Variants in CEP20 observed in about 807,000 individuals in gnomAD.
The protein encoded by CEP20 is FGFR1OP N-terminal like.
Under a neutral mutation model 20.0 loss-of-function variants are expected in CEP20, and 18 were observed. The observed-to-expected ratio is 0.90, with a 90% CI of 0.62 to 1.34. CEP20 has a LOEUF of 1.34. CEP20 is among the 40% of genes most tolerant of loss of function. The pLI, the probability that CEP20 is intolerant of heterozygous loss-of-function variation, is 0.00. For missense variants in CEP20, 215 were observed against 201.6 expected, an observed-to-expected ratio of 1.07 and a Z score of -0.40; for synonymous variants, 77 against 73.7, an observed-to-expected ratio of 1.04 and a Z score of -0.23.
chr16:15,871,936 C>T (rs2044828942), intron 4 of CEP20, among the ~76,000 whole-genome samples: 1 of 148,092 alleles, frequency 6.8e-6, no homozygotes, highest in African/African-American at 2.5e-5. Flanking sequence ...CTAAAAGTTT[C>T]CTAAAAGTTC....
chr16:15,873,666 T>C, intron 3 of CEP20, 39 bp from the exon 4 acceptor site: 4 of 1,577,154 alleles, frequency 2.5e-6, no homozygotes, highest in Non-Finnish European at 3.4e-6. Flanking sequence ...CAAAAGCTAA[T>C]AAATCTGCAT....
At chr16:15,871,320 G>C (rs1283585885) in intron 4 of CEP20, among the ~76,000 whole-genome samples, 1 of 151,344 alleles carries the variant, frequency 6.6e-6, no homozygotes, top group Non-Finnish European at 1.5e-5. Context: ...GAGTCCCAAA[G>C]AATACCCTGC....
intron 2 of CEP20, among the ~76,000 whole-genome samples, chr16:15,882,372 T>C (rs2045120163): frequency 6.6e-6 from 1 of 151,168 alleles, no homozygotes; most frequent in South Asian, 2.1e-4. Flanking sequence ...ACCCTGTCTC[T>C]ACTAAAAATA....
At chr16:15,868,954 G>T (rs1368682396) in intron 4 of CEP20, among the ~76,000 whole-genome samples, 4 of 151,974 alleles carry the variant, frequency 2.6e-5, no homozygotes, top group Non-Finnish European at 4.4e-5. Context: ...TGTAGTCCCA[G>T]CTACTTGGGA....
At chr16:15,878,841 C>A (rs1039162503) in intron 3 of CEP20, among the ~76,000 whole-genome samples, 1 of 152,110 alleles carries the variant, frequency 6.6e-6, no homozygotes, top group African/African-American at 2.4e-5. Context: ...GTCTTGAACT[C>A]CTGAGCTCAA....
At chr16:15,885,124 T>C (rs1405634717) in intron 1 of CEP20, 1 of 150,912 alleles carries the variant, frequency 6.6e-6, no homozygotes, top group Non-Finnish European at 1.5e-5. Flanking sequence ...GCTAACAAGG[T>C]GAAATCCCCC....
rs2045043339 is a variant in CEP20, at chr16:15,879,302, C to A, written c.311+502G>T. On this transcript the variant is annotated intron_variant, in intron 3 of 4. Transcript: ENST00000255759. Reference sequence around the variant, plus strand: ...AGGAGAGGAGAGATCTGAGTACATTCCTAAGTTGGAGTGAAGGAAGAGTTA... The same window carrying A: ...AGGAGAGGAGAGATCTGAGTACATTACTAAGTTGGAGTGAAGGAAGAGTTA... Among the ~76,000 whole-genome samples, 3 of 151,634 alleles carry A rather than the reference C, an allele frequency of 2.0e-5. No individual in the cohort carries two copies. The South Asian group carries it at 6.3e-4, about 32-fold the overall frequency.
intron 2 of CEP20, among the ~76,000 whole-genome samples, chr16:15,883,377 A>G (rs2045157999): frequency 6.6e-6 from 1 of 152,012 alleles, no homozygotes; most frequent in Non-Finnish European, 1.5e-5. Flanking sequence ...AAAAGAAAAA[A>G]GAGACAGGGT....
Position 15,888,555 on chromosome 16 carries a change from C to T in CEP20, c.28+3G>A, listed in dbSNP as rs2045302757. ...ATGTGGAGGCCTCCCTGCTCGCACT[C>T]ACCAGCCTTCAACTCTGCCACAGTC... On this transcript the variant is annotated splice_donor_region_variant and intron_variant, in intron 1 of 4. Transcript: ENST00000255759. The T allele has an allele frequency of 1.2e-6, 2 of 1,614,168 alleles. No homozygotes were observed. The highest frequency in any genetic ancestry group is 1.7e-5 in the Admixed American group (1 of 60,026).
At chr16:15,883,457 T>G (rs1377513787) in intron 2 of CEP20, among the ~76,000 whole-genome samples, 2 of 151,990 alleles carry the variant, frequency 1.3e-5, no homozygotes, top group Non-Finnish European at 2.9e-5. Context: ...GCACATGGGC[T>G]CACATGATCA....
chr16:15,883,522 T>C (rs1423687583), intron 2 of CEP20, among the ~76,000 whole-genome samples: 1 of 151,956 alleles, frequency 6.6e-6, no homozygotes, highest in South Asian at 2.1e-4. Context: ...CGTGCCACCA[T>C]GCATGGCTAA....
At position 15,882,766 on chromosome 16, in the gene CEP20, T is replaced by TACACACACACA. The variant is rs1445128148; in HGVS notation, c.226+1241_226+1242insTGTGTGTGTGT. ...ATCTATCTATCTATCTATCTATCTA[T>TACACACACACA]CTATCTATCTATCTAGATACACACA... On this transcript the variant is annotated intron_variant, in intron 2 of 4. Transcript: ENST00000255759. Among the ~76,000 whole-genome samples, 466 of 105,686 alleles carry TACACACACACA rather than the reference T, an allele frequency of 4.4e-3. 1 individual carries two copies. The highest frequency in any genetic ancestry group is 0.015 in the African/African-American group (427 of 27,702). 69.3% of individuals were successfully genotyped at this position (105,686 alleles called of 152,430 possible).
intron 4 of CEP20, among the ~76,000 whole-genome samples, chr16:15,871,295 A>C (rs1005215164): frequency 6.6e-6 from 1 of 151,578 alleles, no homozygotes; most frequent in African/African-American, 2.4e-5. Flanking sequence ...AAAATAAATA[A>C]AATAAAATAG....
In CEP20 at chr16:15,865,946, A is replaced by G. The variant is rs2044667839; in HGVS notation, c.*1494T>C. ...AATTCCTGAGGTAAACTAAGTGTCCACTGCCAACATCCTTGGACGAAAACC... is the reference window on the plus strand; with the variant it reads ...AATTCCTGAGGTAAACTAAGTGTCCGCTGCCAACATCCTTGGACGAAAACC... On this transcript the variant is annotated 3_prime_UTR_variant, in exon 5 of 5. Transcript: ENST00000255759. 6.6e-6 allele frequency: 1 copy of G among 152,224 alleles called. No individual in the cohort carries two copies. The highest frequency in any genetic ancestry group is 2.4e-5 in the African/African-American group (1 of 41,460). The allele number at this position is 152,224 out of a possible 1,614,324, so 9.4% of individuals were successfully genotyped here. A position where few individuals can be genotyped will look rare whatever the true frequency, so the allele number is the denominator to read the frequency against.
At position 15,869,998 on chromosome 16, in the gene CEP20, T is replaced by C. The variant is rs541434413; in HGVS notation, c.449-2482A>G. Among the ~76,000 whole-genome samples the C allele has an allele frequency of 3.3e-5, 5 of 152,350 alleles. 1 individual carries two copies. The South Asian group carries it at 1.0e-3, about 32-fold the overall frequency. On this transcript the variant is annotated intron_variant, in intron 4 of 4. Coordinates refer to ENST00000255759, the MANE Select transcript of CEP20 (RefSeq NM_144600.4). Reference sequence around the variant, plus strand: ...GAACAGGCACCCAAGGTGGCTTTACTGACTTGAACTCGATTCTGATGTTCC... The same window carrying C: ...GAACAGGCACCCAAGGTGGCTTTACCGACTTGAACTCGATTCTGATGTTCC...
chr16:15,885,214 A>G (rs1207396464), intron 1 of CEP20: 1 of 151,674 alleles, frequency 6.6e-6, no homozygotes, highest in Non-Finnish European at 1.5e-5. Context: ...AGGCTGAGGC[A>G]CAAGAATTAC....
chr16:15,869,413 C>A (rs58848918), intron 4 of CEP20, among the ~76,000 whole-genome samples: 10,032 of 150,990 alleles, frequency 0.066, 444 homozygotes, highest in East Asian at 0.22. Context: ...TGGGTTCAAG[C>A]GATTTTCCTG....
chr16:15,881,262 A>C (rs2045090720), intron 2 of CEP20, among the ~76,000 whole-genome samples: 1 of 152,098 alleles, frequency 6.6e-6, no homozygotes, highest in Non-Finnish European at 1.5e-5. Context: ...AAAAAGCCAA[A>C]CCATTTAATA....
Position 15,888,599 on chromosome 16 carries a change from C to T in CEP20, c.-14G>A. ...CACAGTCGCCATTTTTCAACGGCCGCCAGGGCCGCACCGCGGCCCTGCGCA... is the reference window on the plus strand; with the variant it reads ...CACAGTCGCCATTTTTCAACGGCCGTCAGGGCCGCACCGCGGCCCTGCGCA... On this transcript the variant is annotated 5_prime_UTR_variant, in exon 1 of 5. Transcript: ENST00000255759. 1.2e-6 allele frequency: 2 copies of T among 1,614,038 alleles called. No individual in the cohort carries two copies. The highest frequency in any genetic ancestry group is 1.7e-6 in the Non-Finnish European group (2 of 1,179,954).
Sources: allele counts gnomAD v4.1 joint callset (sites outside exome capture counted in the v4.1 genomes callset), GRCh38; gene constraint gnomAD v4.1.1; transcripts MANE v1.5; gene names NCBI Gene and HGNC (gene_info 2026-07-23, HGNC 2026-07-21).